The following GPALPP1 variants were observed in gnomAD, a reference collection of about 807,000 sequenced individuals.
The protein encoded by GPALPP1 is GPALPP motifs-containing protein 1.
Under a neutral mutation model 38.9 loss-of-function variants are expected in GPALPP1, and 30 were observed. The ratio of observed to expected loss-of-function variants is 0.77; its 90% confidence interval spans 0.58 to 1.05. The LOEUF is 1.05. Ranked by LOEUF, GPALPP1 falls within the 50% of genes least tolerant of loss-of-function variation. The probability of loss-of-function intolerance (pLI) is 0.00; values close to 1 mark genes in which losing one functional copy is unlikely to be tolerated. For synonymous variants in GPALPP1, 120 were observed against 139.2 expected, an observed-to-expected ratio of 0.86 and a Z score of 0.97; for missense variants, 384 against 408.8, an observed-to-expected ratio of 0.94 and a Z score of 0.52.
At chr13:45,024,154 T>TGTGTGTGTGTGTGCGTGC in intron 7 of GPALPP1, among the ~76,000 whole-genome samples, 1 of 4,318 alleles carries the variant, frequency 2.3e-4, no homozygotes, top group South Asian at 7.5e-3. Flanking sequence ...ACTCTGTGTG[T>TGTGTGTGTGTGTGCGTGC]GTGTGTGTGT....
At chr13:45,018,383 C>T (rs565562467) in intron 6 of GPALPP1, among the ~76,000 whole-genome samples, 44 of 145,718 alleles carry the variant, frequency 3.0e-4, no homozygotes, top group Non-Finnish European at 4.9e-4. Flanking sequence ...GGTAACAGAG[C>T]GAGACTCTGT....
chr13:45,029,610 C>A lies in GPALPP1; in HGVS notation c.*1607C>A, dbSNP rs770071313. 2.0e-5 allele frequency: 3 copies of A among 152,182 alleles called. No individual in the cohort carries two copies. Among genetic ancestry groups the A allele is most frequent in the African/African-American group, 7.2e-5 (3 of 41,448 alleles). 9.4% of individuals were successfully genotyped at this position (152,182 alleles called of 1,614,324 possible). ...GGACCTCCTTGTGAAATATACCTAA[C>A]CTGCCCTAGAGTCAGTGTGTCAAGT... On this transcript the variant is annotated 3_prime_UTR_variant, in exon 8 of 8. Transcript: ENST00000379151.
chr13:44,996,987 T>C (rs1431444681), intron 1 of GPALPP1, among the ~76,000 whole-genome samples: 1 of 151,922 alleles, frequency 6.6e-6, no homozygotes, highest in Non-Finnish European at 1.5e-5. Context: ...AAGTAATAAC[T>C]CCTCATTCCC....
At chr13:45,012,154 G>A (rs1410592047) in intron 4 of GPALPP1, among the ~76,000 whole-genome samples, 1 of 152,164 alleles carries the variant, frequency 6.6e-6, no homozygotes, top group Non-Finnish European at 1.5e-5. Flanking sequence ...TCAGCCAGAG[G>A]AGATTGAATT....
chr13:44,994,452 C>G, intron 1 of GPALPP1, among the ~76,000 whole-genome samples: 1 of 151,774 alleles, frequency 6.6e-6, no homozygotes, highest in East Asian at 1.9e-4. Context: ...TGTGGTGGTG[C>G]ATGCCTGTAA....
chr13:44,994,304 C>T (rs1199180184), intron 1 of GPALPP1, among the ~76,000 whole-genome samples: 4 of 151,826 alleles, frequency 2.6e-5, no homozygotes, highest in Non-Finnish European at 5.9e-5. Context: ...CTCTCGCGGC[C>T]GGGCACGGTG....
At chr13:45,000,450 AAAAGGTATGTGTGT>A (rs1371541942) in intron 1 of GPALPP1, among the ~76,000 whole-genome samples, 1 of 152,154 alleles carries the variant, frequency 6.6e-6, no homozygotes, top group African/African-American at 2.4e-5. Flanking sequence ...ATACATAAAT[AAAAGGTATGTGTGT>A]ACGTTATAAT....
At chr13:44,989,785 A>ACT in intron 1 of GPALPP1, 43 bp downstream of exon 1, 1 of 1,445,346 alleles carries the variant, frequency 6.9e-7, no homozygotes, top group Non-Finnish European at 9.6e-7. Context: ...CCATCTACCC[A>ACT]CTCCCTGGCC....
At chr13:45,026,708 T>C (rs1484593375) in intron 7 of GPALPP1, among the ~76,000 whole-genome samples, 1 of 152,186 alleles carries the variant, frequency 6.6e-6, no homozygotes, top group African/African-American at 2.4e-5. Context: ...ATTCAGAACA[T>C]TTCAATAAAA....
chr13:45,009,250 C>T (rs1326901400), intron 4 of GPALPP1, among the ~76,000 whole-genome samples: 1 of 152,108 alleles, frequency 6.6e-6, no homozygotes, highest in African/African-American at 2.4e-5. Context: ...ATGGTCTTTA[C>T]CTTGAAATTT....
chr13:44,993,677 G>A (rs1397654272), intron 1 of GPALPP1, among the ~76,000 whole-genome samples: 3 of 146,860 alleles, frequency 2.0e-5, no homozygotes, highest in Non-Finnish European at 3.0e-5. Flanking sequence ...TCGAGACTCC[G>A]TCTCAAAAAA....
chr13:45,030,071 T>C lies in GPALPP1; in HGVS notation c.*2068T>C, dbSNP rs1036092562. 1 of 152,230 alleles carries C rather than the reference T, an allele frequency of 6.6e-6. No individual in the cohort carries two copies. Among genetic ancestry groups the C allele is most frequent in the Non-Finnish European group, 1.5e-5 (1 of 68,044 alleles). 9.4% of individuals were successfully genotyped at this position (152,230 alleles called of 1,614,324 possible). A position where few individuals can be genotyped will look rare whatever the true frequency, so the allele number is the denominator to read the frequency against. ...TAGCTAATTTATGGGGTCATATCTTTTTTTTAGCTAATTTACGGGGGTCAT... is the reference window on the plus strand; with the variant it reads ...TAGCTAATTTATGGGGTCATATCTTCTTTTTAGCTAATTTACGGGGGTCAT... On this transcript the variant is annotated 3_prime_UTR_variant, in exon 8 of 8. Transcript: ENST00000379151.
chr13:45,012,633 C>G (rs1277714718), intron 4 of GPALPP1, among the ~76,000 whole-genome samples: 1 of 152,146 alleles, frequency 6.6e-6, no homozygotes, highest in Non-Finnish European at 1.5e-5. Flanking sequence ...TGGTGGTACA[C>G]ATTCTACATT....
chr13:45,008,800 TA>T lies in GPALPP1; in HGVS notation c.331del (p.Ile111Ter). 6.5e-7 allele frequency: 1 copy of T among 1,539,140 alleles called. No homozygotes were observed. ...KKQDDSPPRP[I>X]IGPALPPGFI... is the part of the protein sequence containing the mutation. ...AAGTACATTTTATTTTTCAGGCCCA[TA>T]ATAGGTCCTGCATTGCCACCTGGTT... On this transcript the variant is annotated frameshift_variant, in exon 4 of 8. Coordinates refer to ENST00000379151, the MANE Select transcript of GPALPP1 (RefSeq NM_018559.5). LOFTEE classifies it high-confidence loss of function.
In GPALPP1 at chr13:45,027,794, A is replaced by C. The variant is rs74697754; in HGVS notation, c.814A>C (p.Arg272=). 1.3e-6 allele frequency: 2 copies of C among 1,517,304 alleles called. No individual in the cohort carries two copies. Among genetic ancestry groups the C allele is most frequent in the Non-Finnish European group, 1.8e-6 (2 of 1,096,190 alleles). 94.0% of individuals were successfully genotyped at this position (1,517,304 alleles called of 1,614,324 possible). ...EQVSSYNESK[R]SESLMDIHHK... Reference sequence around the variant, plus strand: ...CTCCTGCTCTCTCCAGGAATCAAAAAGATCAGAATCTCTTATGGACATACA... The same window carrying C: ...CTCCTGCTCTCTCCAGGAATCAAAACGATCAGAATCTCTTATGGACATACA... The change falls in exon 8 of 8, where the codon AGA becomes CGA. Residue 272 remains arginine (R), a synonymous_variant. Transcript: ENST00000379151.
chr13:45,020,955 T>A (rs1489995987), intron 7 of GPALPP1, among the ~76,000 whole-genome samples: 3 of 152,212 alleles, frequency 2.0e-5, no homozygotes, highest in Admixed American at 1.3e-4. Context: ...ATGGAGATCT[T>A]CCATTTATAA....
rs758343811 is a variant in GPALPP1, at chr13:45,008,855, G to A, written c.384G>A (p.Lys128=). The part of the protein sequence containing the change: ...GFIKSTQKSD[K]GRDDPGQQET... Reference sequence around the variant, plus strand: ...TTAAATCTACACAGAAAAGTGACAAGGGCAGAGATGATCCAGGACAACAGG... The same window carrying A: ...TTAAATCTACACAGAAAAGTGACAAAGGCAGAGATGATCCAGGACAACAGG... Residue 128 remains lysine, a synonymous_variant, in exon 4 of 8, where the codon AAG becomes AAA. Coordinates refer to ENST00000379151, the MANE Select transcript of GPALPP1 (RefSeq NM_018559.5). 3.8e-6 allele frequency: 6 copies of A among 1,593,894 alleles called. No homozygotes were observed. The highest frequency in any genetic ancestry group is 5.2e-6 in the Non-Finnish European group (6 of 1,161,756).
chr13:45,020,302 T>G (rs1231982269), intron 6 of GPALPP1, 28 bp from the exon 7 acceptor site: 4 of 814,524 alleles, frequency 4.9e-6, no homozygotes, highest in Non-Finnish European at 8.5e-6. Flanking sequence ...TATGATTCAG[T>G]AATGTGTTAT....
chr13:45,026,258 G>A (rs1031721829), intron 7 of GPALPP1, among the ~76,000 whole-genome samples: 20 of 152,322 alleles, frequency 1.3e-4, no homozygotes, highest in Admixed American at 9.8e-4. Flanking sequence ...ATAGGAAAAT[G>A]TGAATAGTGT....
Sources: allele counts gnomAD v4.1 joint callset (sites outside exome capture counted in the v4.1 genomes callset), GRCh38; gene constraint gnomAD v4.1.1; transcripts MANE v1.5; gene names NCBI Gene and HGNC (gene_info 2026-07-23, HGNC 2026-07-21).